The following GPC5 variants were observed in gnomAD, a reference collection of about 807,000 sequenced individuals.
GPC5 encodes glypican 5, also known as glypican-5.
A neutral mutation model predicts 53.9 loss-of-function variants in GPC5; 47 were observed. That is an observed-to-expected ratio of 0.87 (90% CI 0.69 to 1.11). The LOEUF is 1.11. GPC5 is among the 50% of genes most tolerant of loss of function. The pLI, the probability that GPC5 is intolerant of heterozygous loss-of-function variation, is 0.00. For synonymous variants in GPC5, 286 were observed against 263.3 expected (o/e 1.09, Z -0.84); for missense variants, 748 against 713.1 (o/e 1.05, Z -0.56).
intron 6 of GPC5, among the ~76,000 whole-genome samples, chr13:92,067,184 G>A (rs7990662): frequency 0.43 from 65,947 of 151,882 alleles, 15,805 homozygotes; most frequent in East Asian, 0.79. Context: ...TATTTGCTCC[G>A]TTTCCACACC....
intron 6 of GPC5, among the ~76,000 whole-genome samples, chr13:91,926,647 C>G (rs1175943663): frequency 6.6e-6 from 1 of 152,134 alleles, no homozygotes; most frequent in Non-Finnish European, 1.5e-5. Flanking sequence ...CTAAGCTACC[C>G]CTTTGGCTTA....
intron 7 of GPC5, among the ~76,000 whole-genome samples, chr13:92,586,555 A>G (rs2139060982): frequency 6.6e-6 from 1 of 152,308 alleles, no homozygotes; most frequent in African/African-American, 2.4e-5. Context: ...AATGAACTGG[A>G]GCAATGAACA....
intron 7 of GPC5, among the ~76,000 whole-genome samples, chr13:92,188,407 TG>T (rs1164098883): frequency 6.6e-6 from 1 of 152,114 alleles, no homozygotes; most frequent in African/African-American, 2.4e-5. Flanking sequence ...GAGTAAAAAT[TG>T]CATCTTACAA....
intron 7 of GPC5, among the ~76,000 whole-genome samples, chr13:92,644,090 A>G (rs372330675): frequency 6.6e-6 from 1 of 152,156 alleles, no homozygotes; most frequent in East Asian, 1.9e-4. Flanking sequence ...CCTATTGATA[A>G]TTTGTTAAAA....
chr13:92,775,015 G>A (rs1875750823), intron 7 of GPC5, among the ~76,000 whole-genome samples: 1 of 152,144 alleles, frequency 6.6e-6, no homozygotes, highest in Admixed American at 6.5e-5. Flanking sequence ...CACATTCTCT[G>A]TGTCCTCCAT....
chr13:91,501,690 A>G (rs1390231394), intron 2 of GPC5, among the ~76,000 whole-genome samples: 5 of 152,146 alleles, frequency 3.3e-5, no homozygotes, highest in Non-Finnish European at 7.4e-5. Flanking sequence ...ATTGTGAATA[A>G]TGCCACAATA....
At chr13:92,310,186 C>T (rs2043136431) in intron 7 of GPC5, among the ~76,000 whole-genome samples, 1 of 151,984 alleles carries the variant, frequency 6.6e-6, no homozygotes, top group South Asian at 2.1e-4. Flanking sequence ...TGTTGATGGA[C>T]ACAGGTTGAT....
intron 7 of GPC5, among the ~76,000 whole-genome samples, chr13:92,382,864 G>A (rs944809452): frequency 3.2e-4 from 49 of 152,008 alleles, no homozygotes; most frequent in African/African-American, 1.1e-3. Flanking sequence ...TTAGCCAGGC[G>A]CGGTGGCGGG....
intron 6 of GPC5, among the ~76,000 whole-genome samples, chr13:92,107,431 G>A (rs2041518860): frequency 6.6e-6 from 1 of 151,936 alleles, no homozygotes; most frequent in Non-Finnish European, 1.5e-5. Context: ...ACTTTTCTCA[G>A]TGTTGGGGCA....
intron 7 of GPC5, among the ~76,000 whole-genome samples, chr13:92,227,313 A>T (rs1012670048): frequency 6.6e-6 from 1 of 152,156 alleles, no homozygotes; most frequent in African/African-American, 2.4e-5. Context: ...AAACAAAAAA[A>T]CAGCCACCCA....
At chr13:92,004,481 T>TATATATATATATATAC in intron 6 of GPC5, among the ~76,000 whole-genome samples, 1 of 133,476 alleles carries the variant, frequency 7.5e-6, no homozygotes, top group African/African-American at 2.9e-5. Flanking sequence ...TATATATATA[T>TATATATATATATATAC]ATATATATAA....
chr13:91,957,056 G>A (rs1360356857), intron 6 of GPC5, among the ~76,000 whole-genome samples: 1 of 152,060 alleles, frequency 6.6e-6, no homozygotes, highest in Non-Finnish European at 1.5e-5. Flanking sequence ...CAAGAGAACA[G>A]AGAAAGACAT....
At chr13:91,928,858 A>G (rs1447400206) in intron 6 of GPC5, among the ~76,000 whole-genome samples, 1 of 152,174 alleles carries the variant, frequency 6.6e-6, no homozygotes, top group Non-Finnish European at 1.5e-5. Context: ...TGAGGAGCAA[A>G]GCAGAAAGAT....
intron 1 of GPC5, among the ~76,000 whole-genome samples, chr13:91,422,595 C>T (rs1358203590): frequency 1.3e-5 from 2 of 151,718 alleles, no homozygotes; most frequent in Non-Finnish European, 2.9e-5. Context: ...CAGATCACGC[C>T]ATTGCATTCC....
At chr13:92,272,130 C>G (rs978760105) in intron 7 of GPC5, among the ~76,000 whole-genome samples, 3 of 152,180 alleles carry the variant, frequency 2.0e-5, no homozygotes, top group Admixed American at 2.0e-4. Flanking sequence ...AGTTTCCTAA[C>G]ATGTCATGAT....
intron 7 of GPC5, among the ~76,000 whole-genome samples, chr13:92,377,231 A>G (rs1159980054): frequency 1.3e-5 from 2 of 152,136 alleles, no homozygotes; most frequent in Non-Finnish European, 2.9e-5. Context: ...TACACTTTGC[A>G]TGCCTGTGTT....
intron 7 of GPC5, among the ~76,000 whole-genome samples, chr13:92,198,391 A>G (rs2042271905): frequency 1.3e-5 from 2 of 152,224 alleles, no homozygotes; most frequent in South Asian, 4.1e-4. Flanking sequence ...GACAGATCAT[A>G]GATATGCTCC....
chr13:92,195,536 T>C (rs977111252), intron 7 of GPC5, among the ~76,000 whole-genome samples: 2 of 152,188 alleles, frequency 1.3e-5, no homozygotes, highest in Admixed American at 1.3e-4. Context: ...CAACTGCTTT[T>C]CATAACTACA....
chr13:91,527,400 G>A (rs13313274), intron 2 of GPC5, among the ~76,000 whole-genome samples: 1,976 of 152,332 alleles, frequency 0.013, 44 homozygotes, highest in African/African-American at 0.045. Context: ...CTTTGATTCC[G>A]TGTCTCACGT....
Sources: gnomAD v4.1 joint callset for allele counts (sites outside exome capture counted in the v4.1 genomes callset) on GRCh38, gnomAD v4.1.1 for gene constraint, MANE v1.5 for transcripts, NCBI Gene and HGNC (gene_info 2026-07-23, HGNC 2026-07-21) for gene names.